The following STOX2 variants were observed in gnomAD, a reference collection of about 807,000 sequenced individuals.
STOX2 encodes storkhead-box protein 2.
A neutral mutation model predicts 60.9 loss-of-function variants in STOX2; 28 were observed. That is an observed-to-expected ratio of 0.46 (90% CI 0.34 to 0.63). STOX2 has a LOEUF of 0.63. STOX2 is among the 30% of genes least tolerant of loss of function. The pLI, the probability that STOX2 is intolerant of heterozygous loss-of-function variation, is 0.01. For synonymous variants in STOX2, 472 were observed against 463.9 expected (o/e 1.02, Z -0.22); for missense variants, 1,024 against 1,187.7 (o/e 0.86, Z 2.03).
At chr4:183,968,339 T>C (rs1002175212) in intron 1 of STOX2, among the ~76,000 whole-genome samples, 19 of 117,256 alleles carry the variant, frequency 1.6e-4, no homozygotes, top group African/African-American at 6.9e-4. Flanking sequence ...CACATGCATA[T>C]ACCTACACAC....
At chr4:183,826,232 G>A (rs1038631002) in intron 1 of STOX2, among the ~76,000 whole-genome samples, 2 of 152,126 alleles carry the variant, frequency 1.3e-5, no homozygotes, top group South Asian at 2.1e-4. Flanking sequence ...TCTGGTTTTG[G>A]TCTTTTTTCC....
chr4:183,892,418 A>G (rs951165716), intron 1 of STOX2, among the ~76,000 whole-genome samples: 1 of 152,042 alleles, frequency 6.6e-6, no homozygotes, highest in Non-Finnish European at 1.5e-5. Context: ...AGCTGGGACT[A>G]TGGGCGCCCG....
At chr4:183,946,492 G>A (rs942587551) in intron 1 of STOX2, among the ~76,000 whole-genome samples, 1 of 152,052 alleles carries the variant, frequency 6.6e-6, no homozygotes, top group African/African-American at 2.4e-5. Flanking sequence ...CCATATCTGT[G>A]GGTTCTGCAT....
chr4:183,837,438 C>T (rs149400317), intron 1 of STOX2, among the ~76,000 whole-genome samples: 2 of 151,860 alleles, frequency 1.3e-5, no homozygotes, highest in Non-Finnish European at 2.9e-5. Context: ...TCTCACTCAG[C>T]ATGCTATTTT....
chr4:183,876,121 C>T (rs1740823079), intron 1 of STOX2, among the ~76,000 whole-genome samples: 1 of 151,746 alleles, frequency 6.6e-6, no homozygotes, highest in Non-Finnish European at 1.5e-5. Flanking sequence ...CCAAGAGGTG[C>T]AGATCTCTTG....
At chr4:183,805,720 G>A (rs1163570526) in intron 1 of STOX2, among the ~76,000 whole-genome samples, 1 of 152,210 alleles carries the variant, frequency 6.6e-6, no homozygotes, top group Non-Finnish European at 1.5e-5. Flanking sequence ...GGCTGAGGTG[G>A]GAGGATCGTT....
upstream of STOX2, among the ~76,000 whole-genome samples, chr4:183,904,185 A>G (rs1193351433): frequency 1.3e-5 from 2 of 152,226 alleles, no homozygotes; most frequent in African/African-American, 4.8e-5. Context: ...AGGTAATGCC[A>G]GTAAGCAATG....
intron 1 of STOX2, among the ~76,000 whole-genome samples, chr4:183,964,515 T>C (rs937352973): frequency 1.2e-4 from 18 of 151,484 alleles, no homozygotes; most frequent in African/African-American, 3.7e-4. Context: ...TACTCTGTAC[T>C]GTGCTTTTGT....
At chr4:183,876,380 A>G (rs1579362820) in intron 1 of STOX2, among the ~76,000 whole-genome samples, 2 of 152,158 alleles carry the variant, frequency 1.3e-5, no homozygotes, top group East Asian at 3.9e-4. Flanking sequence ...GGGAGATGCC[A>G]GCTTTGGCTC....
chr4:183,933,217 A>C (rs767037416), intron 1 of STOX2, among the ~76,000 whole-genome samples: 1 of 152,208 alleles, frequency 6.6e-6, no homozygotes, highest in Admixed American at 6.5e-5. Context: ...TTGTGGACAG[A>C]CACAAATACC....
chr4:183,915,848 C>T (rs62339677), intron 1 of STOX2, among the ~76,000 whole-genome samples: 33,980 of 152,162 alleles, frequency 0.22, 4,292 homozygotes, highest in East Asian at 0.54. Flanking sequence ...CTGGGGTTTC[C>T]ACTTCTAGCA....
chr4:183,899,512 G>A (rs1456698203), intron 1 of STOX2, among the ~76,000 whole-genome samples: 1 of 152,202 alleles, frequency 6.6e-6, no homozygotes, highest in African/African-American at 2.4e-5. Flanking sequence ...ATGCTGGTAT[G>A]GAGAAAATTT....
rs1413731143 is a variant in STOX2 at position 184,022,973 on chromosome 4, A to G, written c.*5689A>G. 1 of 152,218 alleles carries G rather than the reference A, an allele frequency of 6.6e-6. No homozygotes were observed. Among genetic ancestry groups the G allele is most frequent in the Non-Finnish European group, 1.5e-5 (1 of 68,042 alleles). 9.4% of individuals were successfully genotyped at this position (152,218 alleles called of 1,614,324 possible). On this transcript the variant is annotated 3_prime_UTR_variant, in exon 4 of 4. Transcript: ENST00000308497. ...GTTGACACAGATACTACGTTCTAGA[A>G]GAGAATTAAATTTAAACGTCAAGTT...
intron 1 of STOX2, among the ~76,000 whole-genome samples, chr4:183,881,364 T>C (rs1182541727): frequency 6.6e-6 from 1 of 152,102 alleles, no homozygotes; most frequent in African/African-American, 2.4e-5. Context: ...ATTAGTTAGG[T>C]GTGGTGGTGC....
At position 184,001,915 on chromosome 4, in the gene STOX2, T is replaced by C. The variant is rs1423062588; in HGVS notation, c.319+438T>C. 2.6e-5 allele frequency among the ~76,000 whole-genome samples: 4 copies of C among 152,168 alleles called. No homozygotes were observed. Among genetic ancestry groups the C allele is most frequent in the Non-Finnish European group, 5.9e-5 (4 of 68,032 alleles). ...CTTGATGAGTTTTAAGAAAATAATA[T>C]TGATAAATTAGGATTTCATTTTAAA... On this transcript the variant is annotated intron_variant, in intron 2 of 3. Coordinates refer to ENST00000308497, the MANE Select transcript of STOX2 (RefSeq NM_020225.3). The surrounding 1 kb of genome is among the most constrained non-coding windows in gnomAD (Gnocchi z 4.2).
rs796825014 is a variant in STOX2, at chr4:184,019,093, C to T, written c.*1809C>T. ...CATTCTTGAAACCTTTAAATGCTCC[C>T]TCATAGTTTTTCAGTTATTTGGAAG... On this transcript the variant is annotated 3_prime_UTR_variant, in exon 4 of 4. Coordinates refer to ENST00000308497, the MANE Select transcript of STOX2 (RefSeq NM_020225.3). The T allele has an allele frequency of 6.6e-6, 1 of 152,184 alleles. No individual in the cohort carries two copies. The highest frequency in any genetic ancestry group is 1.9e-4 in the East Asian group (1 of 5,202). 9.4% of individuals were successfully genotyped at this position (152,184 alleles called of 1,614,324 possible).
intron 1 of STOX2, among the ~76,000 whole-genome samples, chr4:183,951,065 A>C (rs1394420002): frequency 2.6e-5 from 4 of 151,528 alleles, no homozygotes; most frequent in African/African-American, 9.7e-5. Context: ...AATACAAAAA[A>C]ATTAGCCGGG....
chr4:183,930,630 T>A (rs1350084964), intron 1 of STOX2, among the ~76,000 whole-genome samples: 1 of 152,186 alleles, frequency 6.6e-6, no homozygotes, highest in African/African-American at 2.4e-5. Context: ...AGTGCTGAGA[T>A]TACAGGCGTG....
At chr4:183,840,406 G>A (rs1739829260) in intron 1 of STOX2, among the ~76,000 whole-genome samples, 1 of 152,152 alleles carries the variant, frequency 6.6e-6, no homozygotes, top group Admixed American at 6.5e-5. Context: ...CCCTTCTTTA[G>A]GTGGTTGGCC....
Sources: allele counts gnomAD v4.1 joint callset (sites outside exome capture counted in the v4.1 genomes callset), GRCh38; gene constraint gnomAD v4.1.1; non-coding constraint Gnocchi (gnomAD v3.1); transcripts MANE v1.5; gene names NCBI Gene and HGNC (gene_info 2026-07-23, HGNC 2026-07-21).